CDH23: variants seen among roughly 807,000 people sequenced by gnomAD.
CDH23 encodes cadherin-23.
Under a neutral mutation model 317.1 loss-of-function variants are expected in CDH23, and 189 were observed. That is an observed-to-expected ratio of 0.60 (90% CI 0.53 to 0.67). CDH23 has a LOEUF of 0.67. Among genes scored for constraint, CDH23 ranks in the 30% least tolerant of loss-of-function variants. CDH23 has a pLI of 0.00. For synonymous variants in CDH23, 1,839 were observed against 1,876.8 expected (o/e 0.98, Z 0.52); for missense variants, 4,401 against 4,592.4 (o/e 0.96, Z 1.20).
At chr10:71,774,612 A>C (rs1467669201) in intron 38 of CDH23, among the ~76,000 whole-genome samples, 1 of 152,188 alleles carries the variant, frequency 6.6e-6, no homozygotes, top group Non-Finnish European at 1.5e-5. Flanking sequence ...CTTTTATCTG[A>C]ATGGACAAAC....
intron 3 of CDH23, among the ~76,000 whole-genome samples, chr10:71,451,970 G>A (rs1281977798): frequency 6.6e-6 from 1 of 152,242 alleles, no homozygotes; most frequent in African/African-American, 2.4e-5. Flanking sequence ...GGAGCGAGGT[G>A]TTGGTGGCGA....
At chr10:71,643,782 G>C (rs1862689696) in intron 11 of CDH23, 79 bp from the exon 12 acceptor site, 1 of 758,836 alleles carries the variant, frequency 1.3e-6, no homozygotes, top group African/African-American at 1.7e-5. Context: ...TTTCTCTCTG[G>C]TTCCTTCCTC....
At chr10:71,427,961 C>A (rs1007521121) in intron 1 of CDH23, among the ~76,000 whole-genome samples, 7 of 151,806 alleles carry the variant, frequency 4.6e-5, no homozygotes, top group African/African-American at 1.7e-4. Flanking sequence ...GATCCTCCTG[C>A]CTTGGCCTCC....
intron 6 of CDH23, among the ~76,000 whole-genome samples, chr10:71,535,729 A>G (rs1009311606): frequency 6.6e-6 from 1 of 152,218 alleles, no homozygotes; most frequent in Non-Finnish European, 1.5e-5. Context: ...GCCCCAGGGC[A>G]GGGACTTGGT....
chr10:71,553,451 C>T (rs1316349854), intron 6 of CDH23, among the ~76,000 whole-genome samples: 1 of 152,194 alleles, frequency 6.6e-6, no homozygotes, highest in Non-Finnish European at 1.5e-5. Flanking sequence ...GCAGCAGTAG[C>T]CTCAGGATTG....
In CDH23 at chr10:71,751,258, T is replaced by G; in HGVS notation, c.4845+9337T>G. ...CCCACTGTCCCCCAGCTGGGCTAGA[T>G]GACCTCAAAGTTTGGAGAGTCAGGG... On this transcript the variant is annotated intron_variant, in intron 38 of 69. Transcript: ENST00000224721. This position sits in a 1 kb window ranked among gnomAD's most constrained non-coding sequence, Gnocchi z 4.9. 6.2e-7 allele frequency: 1 copy of G among 1,609,792 alleles called. No homozygotes were observed. The highest frequency in any genetic ancestry group is 8.5e-7 in the Non-Finnish European group (1 of 1,177,744).
At chr10:71,537,263 G>A (rs1399578812) in intron 6 of CDH23, among the ~76,000 whole-genome samples, 3 of 152,110 alleles carry the variant, frequency 2.0e-5, no homozygotes, top group East Asian at 1.9e-4. Context: ...TAGAATCATC[G>A]GTTATGTTTC....
chr10:71,675,864 C>G (rs930248688), intron 15 of CDH23, among the ~76,000 whole-genome samples: 3 of 150,106 alleles, frequency 2.0e-5, no homozygotes, highest in Non-Finnish European at 4.4e-5. Flanking sequence ...ATCTCTTTCC[C>G]TTGTCTTCAG....
intron 14 of CDH23, among the ~76,000 whole-genome samples, chr10:71,668,986 G>A (rs1276778747): frequency 2.0e-5 from 3 of 152,238 alleles, no homozygotes; most frequent in Non-Finnish European, 4.4e-5. Flanking sequence ...TGCCAGCATT[G>A]GGGAGAATCA....
chr10:71,459,497 GC>G (rs1310826196), intron 3 of CDH23, among the ~76,000 whole-genome samples: 1 of 152,178 alleles, frequency 6.6e-6, no homozygotes, highest in Non-Finnish European at 1.5e-5. Flanking sequence ...TAGGTGAGAA[GC>G]AGCTCGGGGA....
intron 21 of CDH23, 34 bp downstream of exon 21, chr10:71,694,293 C>T (rs1395814975): frequency 2.6e-6 from 4 of 1,532,028 alleles, no homozygotes; most frequent in Non-Finnish European, 3.6e-6. Flanking sequence ...CCCAGCTCCC[C>T]CTCGCCGGCC....
chr10:71,807,355 G>T lies in CDH23; in HGVS notation c.8257G>T (p.Ala2753Ser), dbSNP rs397517356. The change falls in exon 58 of 70, where the codon GCA becomes TCA. Residue 2753 changes from alanine to serine, a missense_variant. This residue lies in a region of CDH23 where 1,144 missense variants were observed against 1,138.2 expected (regional missense o/e 1.01). Transcript: ENST00000224721. The stretch of plus-strand genomic sequence containing the variant: ...CACCCTCGTGGGCAACGTGACAGGC[G>T]CAGTGGATGCAGATGAGGGCCCCAA... ...RGTLVGNVTG[A>S]VDADEGPNAI... 1 of 1,613,874 alleles carries T rather than the reference G, an allele frequency of 6.2e-7. No individual in the cohort carries two copies. The highest frequency in any genetic ancestry group is 8.5e-7 in the Non-Finnish European group (1 of 1,179,826).
chr10:71,800,629 CT>C lies in CDH23; in HGVS notation c.7363-6del. ...TGAAGGACCTAAAGCCACCCTCCCC[CT>C]ACTAGGGTGACATCTATGTGCTGTC... On this transcript the variant is annotated splice_polypyrimidine_tract_variant and splice_region_variant and intron_variant, in intron 52 of 69. Transcript: ENST00000224721. The C allele has an allele frequency of 6.2e-7, 1 of 1,613,714 alleles. No homozygotes were observed. The highest frequency in any genetic ancestry group is 1.7e-5 in the Admixed American group (1 of 59,978).
At chr10:71,577,763 C>A (rs1264858305) in intron 8 of CDH23, 151 bp from the exon 9 acceptor site, 2 of 668,892 alleles carry the variant, frequency 3.0e-6, no homozygotes, top group African/African-American at 1.8e-5. Context: ...GTGCCCAGGG[C>A]AGCTGATGCC....
intron 14 of CDH23, 160 bp downstream of exon 14, chr10:71,646,777 T>G: frequency 6.3e-7 from 1 of 1,578,854 alleles, no homozygotes; most frequent in Non-Finnish European, 8.6e-7. Context: ...GTTTTTGGAC[T>G]CTTCAGGAAG....
chr10:71,414,596 A>G (rs1266990283), intron 1 of CDH23, among the ~76,000 whole-genome samples: 2 of 152,198 alleles, frequency 1.3e-5, no homozygotes, highest in South Asian at 2.1e-4. Flanking sequence ...GTATTTTGGC[A>G]TAAATGAATT....
intron 30 of CDH23, among the ~76,000 whole-genome samples, chr10:71,727,835 C>A (rs1866885407): frequency 6.6e-6 from 1 of 152,232 alleles, no homozygotes; most frequent in Admixed American, 6.5e-5. Context: ...AGCCCAGTTG[C>A]TCCCACTTGC....
At chr10:71,481,144 A>G (rs1786963372) in intron 3 of CDH23, among the ~76,000 whole-genome samples, 1 of 151,946 alleles carries the variant, frequency 6.6e-6, no homozygotes, top group Non-Finnish European at 1.5e-5. Context: ...TGGCAGCCCC[A>G]TTTTCATGGC....
intron 9 of CDH23, among the ~76,000 whole-genome samples, chr10:71,582,822 C>T (rs557771254): frequency 1.3e-5 from 2 of 152,312 alleles, no homozygotes; most frequent in South Asian, 2.1e-4. Flanking sequence ...GACCAGGGCA[C>T]CATCTTCGCC....
Sources: allele counts gnomAD v4.1 joint callset (sites outside exome capture counted in the v4.1 genomes callset), GRCh38; gene constraint gnomAD v4.1.1; regional missense constraint gnomAD v4.1.1; non-coding constraint Gnocchi (gnomAD v3.1); transcripts MANE v1.5; gene names NCBI Gene and HGNC (gene_info 2026-07-23, HGNC 2026-07-21).